ADAM22: variants seen among roughly 807,000 people sequenced by gnomAD.
The protein encoded by ADAM22 is disintegrin and metalloproteinase domain-containing protein 22.
In ADAM22, 65 loss-of-function variants were observed where a neutral mutation model predicts 144.6. The ratio of observed to expected loss-of-function variants is 0.45; its 90% CI spans 0.37 to 0.55. The LOEUF is 0.55. ADAM22 is among the 20% of genes least tolerant of loss of function. ADAM22 has a pLI of 0.00. For synonymous variants in ADAM22, 391 were observed against 412.6 expected (o/e 0.95, Z 0.63); for missense variants, 974 against 1,184.9 (o/e 0.82, Z 2.61).
Position 87,985,064 on chromosome 7 carries a change from A to G in ADAM22, c.323+6652A>G, listed in dbSNP as rs547081269. ...TGCGGTGGCTCACGCGTGTAATCCCAGCACTTTGGGAGGCTGAGGCGGGCG... is the reference window on the plus strand; with the variant it reads ...TGCGGTGGCTCACGCGTGTAATCCCGGCACTTTGGGAGGCTGAGGCGGGCG... On this transcript the variant is annotated intron_variant, in intron 3 of 31. Transcript: ENST00000413139. Among the ~76,000 whole-genome samples, 6 of 151,456 alleles carry G rather than the reference A, an allele frequency of 4.0e-5. No homozygotes were observed. The South Asian group carries it at 1.3e-3, about 32-fold the overall frequency.
intron 4 of ADAM22, among the ~76,000 whole-genome samples, chr7:88,083,195 G>C (rs1817362998): frequency 6.6e-6 from 1 of 152,194 alleles, no homozygotes; most frequent in Non-Finnish European, 1.5e-5. Flanking sequence ...GTAGGGACAT[G>C]GATGAAGCTG....
chr7:88,196,844 A>G lies in ADAM22; in HGVS notation c.*353A>G, dbSNP rs998702552. On this transcript the variant is annotated 3_prime_UTR_variant, in exon 32 of 32. Coordinates refer to ENST00000413139, the MANE Select transcript of ADAM22 (RefSeq NM_001324418.2). ...CAAGTTTCCTAAGGTACAATAGTGG[A>G]TTCAGAACTTGACGTTCTGAGGCAC... 2.3e-5 allele frequency: 6 copies of G among 265,078 alleles called. No individual in the cohort carries two copies. The highest frequency in any genetic ancestry group is 1.3e-4 in the African/African-American group (6 of 46,296). The allele number at this position is 265,078 out of a possible 1,614,324, so 16.4% of individuals were successfully genotyped here. A position where few individuals can be genotyped will look rare whatever the true frequency, so the allele number is the denominator to read the frequency against.
intron 3 of ADAM22, among the ~76,000 whole-genome samples, chr7:88,033,505 A>T (rs1022301931): frequency 3.9e-5 from 6 of 152,236 alleles, no homozygotes; most frequent in Admixed American, 1.3e-4. Flanking sequence ...CCCAGAGCTA[A>T]CATAGCACTG....
chr7:88,090,616 C>T (rs1168014674), intron 4 of ADAM22, among the ~76,000 whole-genome samples: 3 of 152,090 alleles, frequency 2.0e-5, no homozygotes, highest in Non-Finnish European at 4.4e-5. Context: ...ATTTTAATGA[C>T]TCCATTCTCC....
chr7:88,035,527 A>C (rs1197141034), intron 3 of ADAM22, among the ~76,000 whole-genome samples: 4 of 152,250 alleles, frequency 2.6e-5, no homozygotes, highest in Non-Finnish European at 5.9e-5. Flanking sequence ...TGTGGGTTCC[A>C]TATTCATAGA....
chr7:88,110,674 CTCTTTTCTTTT>C (rs146268191), intron 5 of ADAM22, among the ~76,000 whole-genome samples: 3,062 of 148,566 alleles, frequency 0.021, 116 homozygotes, highest in African/African-American at 0.072. Context: ...CTTTTCTCTT[CTCTTTTCTTTT>C]TCTTTTCTTT....
At chr7:88,026,276 C>T (rs1328307344) in intron 3 of ADAM22, among the ~76,000 whole-genome samples, 1 of 152,186 alleles carries the variant, frequency 6.6e-6, no homozygotes, top group Non-Finnish European at 1.5e-5. Context: ...TTACTCATGG[C>T]AGAAGGCAAA....
chr7:87,944,297 C>T (rs17252755), intron 2 of ADAM22, among the ~76,000 whole-genome samples: 10,670 of 151,642 alleles, frequency 0.07, 517 homozygotes, highest in Middle Eastern at 0.12. Context: ...TTTGCTGGTA[C>T]ACACAATTTG....
At chr7:88,142,576 C>T (rs1256955589) in intron 14 of ADAM22, among the ~76,000 whole-genome samples, 1 of 152,172 alleles carries the variant, frequency 6.6e-6, no homozygotes, top group Non-Finnish European at 1.5e-5. Context: ...TGGTGGCTCA[C>T]ACCTGTAATC....
Position 88,143,145 on chromosome 7 carries a change from AG to A in ADAM22, c.1320+22del. On this transcript the variant is annotated intron_variant, in intron 15 of 31. Transcript: ENST00000413139. ...TCTAAGGTAATAAGTGTGGTTAATAAGGTTTATAATATTAATTATCAACCTT... is the reference window on the plus strand; with the variant it reads ...TCTAAGGTAATAAGTGTGGTTAATAAGTTTATAATATTAATTATCAACCTT... 6.8e-7 allele frequency: 1 copy of A among 1,461,176 alleles called. No homozygotes were observed. The highest frequency in any genetic ancestry group is 9.5e-7 in the Non-Finnish European group (1 of 1,048,580). 90.5% of individuals were successfully genotyped at this position (1,461,176 alleles called of 1,614,324 possible).
rs549408477 is a variant in ADAM22, at chr7:88,020,663, G to A, written c.323+42251G>A. 3.9e-5 allele frequency among the ~76,000 whole-genome samples: 6 copies of A among 152,242 alleles called. No individual in the cohort carries two copies. In the East Asian group the frequency reaches 5.8e-4, roughly 15 times the overall value. On this transcript the variant is annotated intron_variant, in intron 3 of 31. Transcript: ENST00000413139. ...CCTTTGACCTCTTCCACTGCATCGCGGTGGAATAGGCCCAGGCAGTCCCTG... is the reference window on the plus strand; with the variant it reads ...CCTTTGACCTCTTCCACTGCATCGCAGTGGAATAGGCCCAGGCAGTCCCTG...
chr7:88,018,907 C>T (rs914852633), intron 3 of ADAM22, among the ~76,000 whole-genome samples: 2 of 152,128 alleles, frequency 1.3e-5, no homozygotes, highest in African/African-American at 4.8e-5. Flanking sequence ...AAGCTTTGGA[C>T]AAAGGTATTA....
intron 3 of ADAM22, among the ~76,000 whole-genome samples, 200 bp from the exon 4 acceptor site, chr7:88,075,426 A>T (rs1223326494): frequency 1.3e-5 from 2 of 152,064 alleles, no homozygotes; most frequent in Non-Finnish European, 2.9e-5. Context: ...AGGCAGTTCA[A>T]CCTCATGTCC....
intron 2 of ADAM22, among the ~76,000 whole-genome samples, chr7:87,973,543 A>G (rs1406622776): frequency 6.6e-6 from 1 of 152,048 alleles, no homozygotes; most frequent in Admixed American, 6.6e-5. Context: ...TTCCTCAGGG[A>G]TCTAGAACTA....
At chr7:88,065,915 C>G (rs1811132253) in intron 3 of ADAM22, among the ~76,000 whole-genome samples, 2 of 152,174 alleles carry the variant, frequency 1.3e-5, no homozygotes, top group South Asian at 4.1e-4. Flanking sequence ...ATGCTCACAG[C>G]CTTGTCAACA....
intron 5 of ADAM22, among the ~76,000 whole-genome samples, chr7:88,108,834 G>A (rs1825244051): frequency 6.6e-6 from 1 of 152,068 alleles, no homozygotes; most frequent in Admixed American, 6.6e-5. Context: ...ACTTTAAGGA[G>A]ATGCTAGACT....
intron 23 of ADAM22, among the ~76,000 whole-genome samples, chr7:88,165,025 G>A (rs1231487591): frequency 6.6e-6 from 1 of 152,048 alleles, no homozygotes; most frequent in Admixed American, 6.6e-5. Context: ...GTGGATGTAT[G>A]TTATGTTCCT....
chr7:88,061,946 A>G (rs1810004017), intron 3 of ADAM22, among the ~76,000 whole-genome samples: 1 of 151,010 alleles, frequency 6.6e-6, no homozygotes, highest in African/African-American at 2.4e-5. Flanking sequence ...GGGCTGAAGT[A>G]ATCAACCTGC....
intron 4 of ADAM22, among the ~76,000 whole-genome samples, chr7:88,090,390 C>G (rs1339394029): frequency 6.6e-6 from 1 of 152,114 alleles, no homozygotes; most frequent in Non-Finnish European, 1.5e-5. Flanking sequence ...CTATGCTAAT[C>G]AGAACCAAGT....
Sources: allele counts gnomAD v4.1 joint callset (sites outside exome capture counted in the v4.1 genomes callset), GRCh38; gene constraint gnomAD v4.1.1; transcripts MANE v1.5; gene names NCBI Gene and HGNC (gene_info 2026-07-23, HGNC 2026-07-21).